The following LTBP1 variants were observed in gnomAD, a reference collection of about 807,000 sequenced individuals.
LTBP1 encodes the protein latent transforming growth factor beta binding protein 1.
Under a neutral mutation model 207.6 loss-of-function variants are expected in LTBP1, and 129 were observed. The ratio of observed to expected loss-of-function variants is 0.62; its 90% confidence interval spans 0.54 to 0.72. The LOEUF is 0.72. Ranked by LOEUF, LTBP1 falls within the 30% of genes least tolerant of loss-of-function variation. The pLI is 0.00. For synonymous variants in LTBP1, 963 were observed against 833.7 expected, an observed-to-expected ratio of 1.16 and a Z score of -2.67; for missense variants, 2,281 against 2,217.2, an observed-to-expected ratio of 1.03 and a Z score of -0.58.
chr2:33,214,929 T>G (rs1205139109), intron 7 of LTBP1, among the ~76,000 whole-genome samples: 1 of 152,136 alleles, frequency 6.6e-6, no homozygotes, highest in Non-Finnish European at 1.5e-5. Context: ...TCAGAATGTC[T>G]TTAACACCTG....
At position 33,132,868 on chromosome 2, in the gene LTBP1, T is replaced by C. The variant is rs776436877; in HGVS notation, c.1034-1925T>C. Among the ~76,000 whole-genome samples, 104 of 152,320 alleles carry C rather than the reference T, an allele frequency of 6.8e-4. 1 individual carries two copies. The highest frequency in any genetic ancestry group is 1.7e-3 in the South Asian group (8 of 4,824). ...GATTAAGTGGCATTTATCTCAAAGATAACTTATTTGAAGGGCTGTCATGTG... is the reference window on the plus strand; with the variant it reads ...GATTAAGTGGCATTTATCTCAAAGACAACTTATTTGAAGGGCTGTCATGTG... On this transcript the variant is annotated intron_variant, in intron 4 of 33. Transcript: ENST00000404816.
At chr2:33,225,502 A>T (rs2091382014) in intron 9 of LTBP1, among the ~76,000 whole-genome samples, 1 of 152,228 alleles carries the variant, frequency 6.6e-6, no homozygotes. Context: ...GGCAGCAGGC[A>T]AAAGAGAACT....
intron 4 of LTBP1, among the ~76,000 whole-genome samples, chr2:33,113,535 A>G (rs928404368): frequency 3.3e-5 from 5 of 152,198 alleles, no homozygotes; most frequent in East Asian, 1.9e-4. Flanking sequence ...AGGGATGACT[A>G]TTTTATGGGA....
chr2:33,285,407 T>C (rs1425744148), intron 19 of LTBP1, among the ~76,000 whole-genome samples: 1 of 151,666 alleles, frequency 6.6e-6, no homozygotes, highest in African/African-American at 2.4e-5. Flanking sequence ...GTTTTTTAAT[T>C]CTTCTTATGT....
chr2:33,063,424 C>T (rs938854482), intron 3 of LTBP1, among the ~76,000 whole-genome samples: 6 of 152,180 alleles, frequency 3.9e-5, no homozygotes, highest in Middle Eastern at 3.4e-3. Context: ...ATCAGGCTCT[C>T]TTCTTTTATG....
At chr2:33,053,541 A>G (rs560640292) in intron 3 of LTBP1, among the ~76,000 whole-genome samples, 12 of 152,054 alleles carry the variant, frequency 7.9e-5, no homozygotes, top group Admixed American at 5.9e-4. Context: ...CGCCCAGTCT[A>G]CTAGATGAGT....
At chr2:33,024,922 C>G (rs1054215720) in intron 3 of LTBP1, among the ~76,000 whole-genome samples, 2 of 152,204 alleles carry the variant, frequency 1.3e-5, no homozygotes, top group African/African-American at 4.8e-5. Flanking sequence ...TCTGAAGGCT[C>G]GACTGGGGCT....
chr2:33,384,132 T>C (rs1281664152), intron 31 of LTBP1, among the ~76,000 whole-genome samples: 1 of 152,182 alleles, frequency 6.6e-6, no homozygotes, highest in Admixed American at 6.5e-5. Flanking sequence ...GATATGGTAA[T>C]GTTCCTTCCA....
chr2:32,960,900 AG>A (rs1421685580), intron 2 of LTBP1, among the ~76,000 whole-genome samples: 1 of 152,158 alleles, frequency 6.6e-6, no homozygotes, highest in Non-Finnish European at 1.5e-5. Flanking sequence ...GATATAAGAT[AG>A]GGTTGGATCC....
At chr2:33,047,836 T>C (rs2076523484) in intron 3 of LTBP1, among the ~76,000 whole-genome samples, 1 of 152,222 alleles carries the variant, frequency 6.6e-6, no homozygotes, top group Non-Finnish European at 1.5e-5. Flanking sequence ...AGTTAGCTCT[T>C]CTTGTTGCAT....
At chr2:33,019,874 ATTTTTTT>A (rs3047195) in intron 2 of LTBP1, among the ~76,000 whole-genome samples, 1 of 135,036 alleles carries the variant, frequency 7.4e-6, no homozygotes, top group Non-Finnish European at 1.6e-5. Flanking sequence ...AGCTAATTAA[ATTTTTTT>A]TTTTTTTTTT....
intron 24 of LTBP1, among the ~76,000 whole-genome samples, chr2:33,342,351 T>G (rs765268627): frequency 2.6e-5 from 4 of 152,238 alleles, no homozygotes; most frequent in Non-Finnish European, 4.4e-5. Flanking sequence ...GACTCTCTCT[T>G]GACTTCCTGA....
intron 28 of LTBP1, among the ~76,000 whole-genome samples, chr2:33,362,246 CTG>C (rs2094935435): frequency 6.6e-6 from 1 of 152,076 alleles, no homozygotes; most frequent in South Asian, 2.1e-4. Flanking sequence ...GGGAAACACA[CTG>C]TAAAATCATT....
At chr2:33,117,720 A>T (rs1339798904) in intron 4 of LTBP1, among the ~76,000 whole-genome samples, 2 of 152,194 alleles carry the variant, frequency 1.3e-5, no homozygotes, top group Non-Finnish European at 2.9e-5. Context: ...GGCGTAGTTG[A>T]GAGCACCCAT....
intron 5 of LTBP1, among the ~76,000 whole-genome samples, chr2:33,151,371 G>A (rs1431743648): frequency 1.3e-5 from 2 of 152,176 alleles, no homozygotes; most frequent in African/African-American, 4.8e-5. Context: ...CCCACCAGCA[G>A]TGTGTGAGGG....
At chr2:33,340,515 G>A (rs1420570775) in intron 24 of LTBP1, among the ~76,000 whole-genome samples, 3 of 152,188 alleles carry the variant, frequency 2.0e-5, no homozygotes. Context: ...GGAAGAGAGT[G>A]TTCAAGGAGT....
At chr2:32,989,707 ATC>A (rs1684117536) in intron 2 of LTBP1, among the ~76,000 whole-genome samples, 1 of 152,214 alleles carries the variant, frequency 6.6e-6, no homozygotes, top group Non-Finnish European at 1.5e-5. Flanking sequence ...ACATGCCATC[ATC>A]AAGGACTGTG....
At chr2:33,113,323 C>T (rs1055717967) in intron 4 of LTBP1, among the ~76,000 whole-genome samples, 3 of 152,068 alleles carry the variant, frequency 2.0e-5, no homozygotes, top group East Asian at 1.9e-4. Context: ...AGTCTACAAG[C>T]CCAAGGGAAT....
At chr2:32,981,328 C>G (rs1389854971) in intron 2 of LTBP1, among the ~76,000 whole-genome samples, 3 of 152,052 alleles carry the variant, frequency 2.0e-5, no homozygotes, top group African/African-American at 7.2e-5. Context: ...ATATGTTGTA[C>G]TTGGTATTGG....
Sources: allele counts gnomAD v4.1 joint callset (sites outside exome capture counted in the v4.1 genomes callset), GRCh38; gene constraint gnomAD v4.1.1; transcripts MANE v1.5; gene names NCBI Gene and HGNC (gene_info 2026-07-23, HGNC 2026-07-21).